The following FMN1 variants were observed in gnomAD, a reference collection of about 807,000 sequenced individuals.
The protein encoded by FMN1 is formin 1, also known as formin-1.
A neutral mutation model predicts 132.4 loss-of-function variants in FMN1; 110 were observed. The ratio of observed to expected loss-of-function variants is 0.83; its 90% confidence interval spans 0.71 to 0.97. The LOEUF (loss-of-function observed/expected upper bound fraction) is 0.97, where lower values mean the gene tolerates loss of function less well. Among genes scored for constraint, FMN1 ranks in the 50% least tolerant of loss-of-function variants. The pLI, the probability that FMN1 is intolerant of heterozygous loss-of-function variation, is 0.00. For missense variants in FMN1, 1,792 were observed against 1,705.3 expected, an observed-to-expected ratio of 1.05 and a Z score of -0.90; for synonymous variants, 722 against 651.7, an observed-to-expected ratio of 1.11 and a Z score of -1.64.
At chr15:32,830,364 T>C (rs543293962) in intron 17 of FMN1, among the ~76,000 whole-genome samples, 1 of 152,350 alleles carries the variant, frequency 6.6e-6, no homozygotes, top group South Asian at 2.1e-4. Flanking sequence ...TTGATTGTTT[T>C]TCCCTCCAGA....
chr15:33,174,711 T>C (rs1965452834), intron 3 of FMN1, among the ~76,000 whole-genome samples: 1 of 152,130 alleles, frequency 6.6e-6, no homozygotes, highest in Non-Finnish European at 1.5e-5. Flanking sequence ...GAGCATAGGA[T>C]CATATTCAGC....
intron 5 of FMN1, among the ~76,000 whole-genome samples, chr15:33,085,075 G>C (rs1165089418): frequency 1.3e-5 from 2 of 152,308 alleles, no homozygotes; most frequent in Non-Finnish European, 2.9e-5. Flanking sequence ...TGAGCTGCTA[G>C]TCATTAACAG....
intron 4 of FMN1, among the ~76,000 whole-genome samples, chr15:33,092,379 C>T (rs1264700731): frequency 6.6e-6 from 1 of 152,146 alleles, no homozygotes; most frequent in Non-Finnish European, 1.5e-5. Flanking sequence ...CTGTTTCACT[C>T]CCTCCCTGCA....
chr15:32,974,950 T>A (rs946409904), intron 7 of FMN1, among the ~76,000 whole-genome samples: 2 of 152,222 alleles, frequency 1.3e-5, no homozygotes. Flanking sequence ...TCCATGATAC[T>A]CATGGCTCTT....
In FMN1 at chr15:33,074,936, G is replaced by A. The variant is rs528861746; in HGVS notation, c.2044-9862C>T. Among the ~76,000 whole-genome samples, 27 of 143,616 alleles carry A rather than the reference G, an allele frequency of 1.9e-4. No individual in the cohort carries two copies. In the East Asian group the frequency reaches 3.2e-3, roughly 17 times the overall value. The allele number at this position is 143,616 out of a possible 152,430, so 94.2% of individuals were successfully genotyped here. A position where few individuals can be genotyped will look rare whatever the true frequency, so the allele number is the denominator to read the frequency against. On this transcript the variant is annotated intron_variant, in intron 5 of 20. Coordinates refer to ENST00000616417, the MANE Select transcript of FMN1 (RefSeq NM_001277313.2). Reference sequence around the variant, plus strand: ...CTCGGGAGGCTGAGGCAGGAGAATCGCTTGAACCTGGGAGGTGGAGGTTGC... The same window carrying A: ...CTCGGGAGGCTGAGGCAGGAGAATCACTTGAACCTGGGAGGTGGAGGTTGC...
intron 6 of FMN1, among the ~76,000 whole-genome samples, chr15:33,018,116 G>A (rs2035175779): frequency 6.6e-6 from 1 of 151,940 alleles, no homozygotes; most frequent in Non-Finnish European, 1.5e-5. Context: ...CCCTTAAGGT[G>A]ATGGTACTAG....
At chr15:33,151,070 G>A in intron 4 of FMN1, 1 of 1,307,652 alleles carries the variant, frequency 7.6e-7, no homozygotes, top group Non-Finnish European at 9.8e-7. Flanking sequence ...AATATAAAGA[G>A]GACTCACAGC....
intron 18 of FMN1, among the ~76,000 whole-genome samples, chr15:32,803,153 T>A (rs2057537784): frequency 6.6e-6 from 1 of 152,200 alleles, no homozygotes; most frequent in South Asian, 2.1e-4. Context: ...ACAATCTGTT[T>A]ATTTGCATTT....
intron 4 of FMN1, among the ~76,000 whole-genome samples, chr15:33,089,962 A>G (rs1441528272): frequency 6.6e-6 from 1 of 152,202 alleles, no homozygotes; most frequent in Admixed American, 6.5e-5. Context: ...AGAAAACCTA[A>G]TTCTATATAA....
At chr15:33,124,869 C>G (rs1296587565) in intron 4 of FMN1, among the ~76,000 whole-genome samples, 1 of 148,912 alleles carries the variant, frequency 6.7e-6, no homozygotes, top group African/African-American at 2.5e-5. Flanking sequence ...TAATTTGGAA[C>G]GGGAAACAAA....
chr15:32,829,994 TAA>T (rs2058463440), intron 17 of FMN1, among the ~76,000 whole-genome samples: 1 of 152,102 alleles, frequency 6.6e-6, no homozygotes, highest in Admixed American at 6.6e-5. Context: ...GAAAGCAAAA[TAA>T]CTAAATAAGG....
At chr15:32,989,684 CTAAA>C (rs1405733028) in intron 7 of FMN1, among the ~76,000 whole-genome samples, 1 of 152,128 alleles carries the variant, frequency 6.6e-6, no homozygotes, top group Non-Finnish European at 1.5e-5. Context: ...GGGCAACAAC[CTAAA>C]TAATCGATAA....
intron 6 of FMN1, among the ~76,000 whole-genome samples, chr15:33,046,170 GTCC>G (rs1027522281): frequency 6.6e-6 from 1 of 152,060 alleles, no homozygotes; most frequent in African/African-American, 2.4e-5. Flanking sequence ...GAATAAAAAT[GTCC>G]TCATGTCAAA....
chr15:32,981,554 T>TTATTATTA (rs1555372555), intron 7 of FMN1, among the ~76,000 whole-genome samples: 2 of 147,444 alleles, frequency 1.4e-5, no homozygotes, highest in African/African-American at 4.9e-5. Context: ...ATTATTATTA[T>TTATTATTA]TATTATTATT....
intron 6 of FMN1, among the ~76,000 whole-genome samples, chr15:33,024,747 T>C (rs1193938072): frequency 6.6e-6 from 1 of 152,166 alleles, no homozygotes; most frequent in East Asian, 1.9e-4. Flanking sequence ...CATTTACACA[T>C]TAATACAAAT....
intron 17 of FMN1, among the ~76,000 whole-genome samples, chr15:32,849,807 C>T (rs2058965666): frequency 6.6e-6 from 1 of 152,148 alleles, no homozygotes; most frequent in African/African-American, 2.4e-5. Context: ...CAGGCGCACA[C>T]CACCATGTCC....
intron 6 of FMN1, among the ~76,000 whole-genome samples, chr15:33,022,900 C>A (rs2035480847): frequency 6.6e-6 from 1 of 151,704 alleles, no homozygotes; most frequent in Non-Finnish European, 1.5e-5. Flanking sequence ...GGGGTCTTGG[C>A]TGGGGCACAG....
chr15:33,020,598 A>G (rs1000580455), intron 6 of FMN1, among the ~76,000 whole-genome samples: 2 of 149,834 alleles, frequency 1.3e-5, no homozygotes, highest in Non-Finnish European at 3.0e-5. Context: ...AGGTCACGCC[A>G]TTGCACTCCA....
Position 32,766,199 on chromosome 15 carries a change from G to A in FMN1, c.*8111C>T, listed in dbSNP as rs1321622177. On this transcript the variant is annotated 3_prime_UTR_variant, in exon 21 of 21. Transcript: ENST00000616417. ...TTAAATGGCTATTTAGGACATGCTT[G>A]CACTTTTAAGTGCTTTCAAGAGTGT... The A allele has an allele frequency of 6.6e-6, 1 of 152,154 alleles. No homozygotes were observed. Among genetic ancestry groups the A allele is most frequent in the African/African-American group, 2.4e-5 (1 of 41,444 alleles). The allele number at this position is 152,154 out of a possible 1,614,324, so 9.4% of individuals were successfully genotyped here.
Sources: allele counts gnomAD v4.1 joint callset (sites outside exome capture counted in the v4.1 genomes callset), GRCh38; gene constraint gnomAD v4.1.1; transcripts MANE v1.5; gene names NCBI Gene and HGNC (gene_info 2026-07-23, HGNC 2026-07-21).